ZNF675: variants seen among roughly 807,000 people sequenced by gnomAD.
ZNF675 encodes TRAF6 inhibitory zinc finger.
A neutral mutation model predicts 56.1 loss-of-function variants in ZNF675; 36 were observed. The observed-to-expected ratio is 0.64, with a 90% confidence interval of 0.49 to 0.85. The LOEUF (loss-of-function observed/expected upper bound fraction) is 0.85. ZNF675 is among the 40% of genes least tolerant of loss of function. The probability of loss-of-function intolerance (pLI) is 0.00; values close to 1 mark genes in which losing one functional copy is unlikely to be tolerated. For missense variants in ZNF675, 663 were observed against 654.2 expected (o/e 1.01, Z -0.15); for synonymous variants, 200 against 218.9 (o/e 0.91, Z 0.76).
intron 1 of ZNF675, among the ~76,000 whole-genome samples, chr19:23,668,810 G>A (rs6511485): frequency 0.97 from 147,454 of 151,814 alleles, 71,773 homozygotes; most frequent in Middle Eastern, 1. Flanking sequence ...AGGGCCGGCC[G>A]GGGGCTCCGA....
chr19:23,681,508 A>C (rs1399183840), intron 1 of ZNF675, among the ~76,000 whole-genome samples: 1 of 151,758 alleles, frequency 6.6e-6, no homozygotes, highest in Non-Finnish European at 1.5e-5. Flanking sequence ...CCAGGCACCC[A>C]GAGTTCCATT....
Position 23,653,917 on chromosome 19 carries a change from G to T in ZNF675, c.1016C>A (p.Pro339His), listed in dbSNP as rs777897862. 1 of 1,613,334 alleles carries T rather than the reference G, an allele frequency of 6.2e-7. No homozygotes were observed. Among genetic ancestry groups the T allele is most frequent in the South Asian group, 1.1e-5 (1 of 91,066 alleles). ...THKRIHTGEK[P>H]YKCEECGKAF... Reference sequence around the variant, plus strand: ...TTTTCCACATTCTTCACATTTGTAGGGTTTTTCTCCAGTATGAATTCTCTT... The same window carrying T: ...TTTTCCACATTCTTCACATTTGTAGTGTTTTTCTCCAGTATGAATTCTCTT... Residue 339 changes from proline to histidine, a missense_variant, in exon 4 of 4, where the codon CCC becomes CAC. This residue lies in a region of ZNF675 where 617 missense variants were observed against 590.5 expected (regional missense o/e 1.04). Coordinates refer to ENST00000359788, the MANE Select transcript of ZNF675 (RefSeq NM_138330.3).
At chr19:23,661,907 A>G in intron 3 of ZNF675, 1 of 457,442 alleles carries the variant, frequency 2.2e-6, no homozygotes, top group Non-Finnish European at 3.9e-6. Context: ...AAGGAAAATT[A>G]CCAAAAATGT....
intron 1 of ZNF675, among the ~76,000 whole-genome samples, chr19:23,675,175 C>G (rs1284201599): frequency 1.3e-5 from 2 of 151,592 alleles, no homozygotes; most frequent in Non-Finnish European, 2.9e-5. Flanking sequence ...GAAAAAGGTG[C>G]TATAAAAAAT....
intron 1 of ZNF675, among the ~76,000 whole-genome samples, chr19:23,676,825 A>C (rs1255353291): frequency 6.6e-6 from 1 of 151,716 alleles, no homozygotes; most frequent in Non-Finnish European, 1.5e-5. Context: ...CTGTAATCCC[A>C]GCACTTTGGG....
In ZNF675 at chr19:23,653,832, G is replaced by C; in HGVS notation, c.1101C>G (p.Pro367=). 2 of 1,613,650 alleles carry C rather than the reference G, an allele frequency of 1.2e-6. No homozygotes were observed. Among genetic ancestry groups the C allele is most frequent in the Non-Finnish European group, 1.7e-6 (2 of 1,179,844 alleles). Residue 367 remains proline (P), a synonymous_variant, in exon 4 of 4, where the codon CCC becomes CCG. Coordinates refer to ENST00000359788, the MANE Select transcript of ZNF675 (RefSeq NM_138330.3). ...CTTTGCCGCATTCCTCACATTTGTA[G>C]GGTTGCTCTCCAGTATGAATGTTTT... ...EHKNIHTGEQ[P]YKCEECGKAF... is the part of the protein sequence containing the mutation.
At chr19:23,656,792 T>A (rs1967991144) in intron 3 of ZNF675, 1 of 151,800 alleles carries the variant, frequency 6.6e-6, no homozygotes, top group South Asian at 2.1e-4. Flanking sequence ...TTAGTCACAC[T>A]CATAGAAAGT....
At chr19:23,687,001 C>G (rs766914401) in intron 1 of ZNF675, 30 bp downstream of exon 1, 27 of 1,613,554 alleles carry the variant, frequency 1.7e-5, no homozygotes, top group Middle Eastern at 1.6e-4. Context: ...CCCCTTCCCC[C>G]TCTCGGGATG....
Position 23,654,935 on chromosome 19 carries a change from G to A in ZNF675, c.227-229C>T, listed in dbSNP as rs188448385. ...TTTCTACTCCCCAATATAACATAAT[G>A]TTTTCAGAAGTAAATTACAGCCAGG... On this transcript the variant is annotated intron_variant, in intron 3 of 3. Coordinates refer to ENST00000359788, the MANE Select transcript of ZNF675 (RefSeq NM_138330.3). 3.8e-5 allele frequency: 14 copies of A among 366,650 alleles called. No individual in the cohort carries two copies. The Admixed American group carries it at 3.8e-4, about 10-fold the overall frequency. The allele number at this position is 366,650 out of a possible 1,614,324, so 22.7% of individuals were successfully genotyped here.
At position 23,672,233 on chromosome 19, in the gene ZNF675, T is replaced by TA. The variant is rs55633960; in HGVS notation, c.4-9076dup. 5.2e-4 allele frequency among the ~76,000 whole-genome samples: 74 copies of TA among 141,220 alleles called. 1 individual carries two copies. The highest frequency in any genetic ancestry group is 2.0e-3 in the African/African-American group (74 of 37,486). The allele number at this position is 141,220 out of a possible 152,430, so 92.6% of individuals were successfully genotyped here. On this transcript the variant is annotated intron_variant, in intron 1 of 3. Transcript: ENST00000359788. ...ACTCCAGTTAGTTAGCTCTTGGGTTTAAAAAAAAAAAAAAAAAAGGACAAG... is the reference window on the plus strand; with the variant it reads ...ACTCCAGTTAGTTAGCTCTTGGGTTTAAAAAAAAAAAAAAAAAAAGGACAAG...
chr19:23,662,674 C>G (rs529038104), intron 2 of ZNF675, among the ~76,000 whole-genome samples: 1 of 152,074 alleles, frequency 6.6e-6, no homozygotes, highest in Non-Finnish European at 1.5e-5. Flanking sequence ...GAAACCTTTA[C>G]GGTATATTAG....
intron 1 of ZNF675, among the ~76,000 whole-genome samples, chr19:23,682,734 C>A (rs1968392867): frequency 6.6e-6 from 1 of 151,708 alleles, no homozygotes; most frequent in Non-Finnish European, 1.5e-5. Flanking sequence ...CACTTGGTGT[C>A]TGAAACTATG....
At chr19:23,658,888 T>C (rs546607223) in intron 3 of ZNF675, among the ~76,000 whole-genome samples, 9 of 38,274 alleles carry the variant, frequency 2.4e-4, no homozygotes, top group East Asian at 1.3e-3. Flanking sequence ...TCTATAGATA[T>C]AGATCTATAG....
intron 1 of ZNF675, among the ~76,000 whole-genome samples, chr19:23,677,270 A>G (rs1968310508): frequency 2.5e-4 from 2 of 8,002 alleles, no homozygotes; most frequent in South Asian, 0.091. Flanking sequence ...ATGACTCTAC[A>G]TCTAAAAAAA....
intron 1 of ZNF675, 128 bp downstream of exon 1, chr19:23,686,903 G>T: frequency 8.5e-7 from 1 of 1,173,650 alleles, no homozygotes; most frequent in Non-Finnish European, 1.3e-6. Flanking sequence ...AGCCGAGCTG[G>T]GGAAGGAGAA....
intron 3 of ZNF675, among the ~76,000 whole-genome samples, chr19:23,659,522 G>A (rs1213467718): frequency 6.6e-6 from 1 of 152,142 alleles, no homozygotes; most frequent in Non-Finnish European, 1.5e-5. Flanking sequence ...CCTGAATTAT[G>A]TATGTAGCAA....
intron 1 of ZNF675, among the ~76,000 whole-genome samples, chr19:23,665,631 T>C (rs1006877712): frequency 1.3e-5 from 2 of 151,930 alleles, no homozygotes; most frequent in African/African-American, 4.8e-5. Flanking sequence ...GTAGCTGGGA[T>C]AACACAGGCG....
intron 2 of ZNF675, among the ~76,000 whole-genome samples, chr19:23,662,775 T>C (rs1225497046): frequency 6.6e-6 from 1 of 151,922 alleles, no homozygotes; most frequent in Non-Finnish European, 1.5e-5. Flanking sequence ...AGGTCACGAG[T>C]TCGAGACCAG....
intron 1 of ZNF675, among the ~76,000 whole-genome samples, chr19:23,685,184 C>T (rs540384293): frequency 2.6e-5 from 4 of 152,186 alleles, no homozygotes; most frequent in South Asian, 2.1e-4. Context: ...AGGCTGGTCG[C>T]GAACTCCTGA....
Sources: allele counts gnomAD v4.1 joint callset (sites outside exome capture counted in the v4.1 genomes callset), GRCh38; gene constraint gnomAD v4.1.1; regional missense constraint gnomAD v4.1.1; transcripts MANE v1.5; gene names NCBI Gene and HGNC (gene_info 2026-07-23, HGNC 2026-07-21).